BCHE: variants seen among roughly 807,000 people sequenced by gnomAD.
BCHE encodes the protein cholinesterase.
Under a neutral mutation model 51.3 loss-of-function variants are expected in BCHE, and 48 were observed. The ratio of observed to expected loss-of-function variants is 0.94; its 90% CI spans 0.74 to 1.19. The LOEUF is 1.19. BCHE is among the 50% of genes most tolerant of loss of function. The pLI is 0.00. For synonymous variants in BCHE, 251 were observed against 238.0 expected (o/e 1.05, Z -0.50); for missense variants, 847 against 708.2 (o/e 1.20, Z -2.23).
chr3:165,823,902 T>C (rs1714620893), intron 2 of BCHE, among the ~76,000 whole-genome samples: 1 of 149,118 alleles, frequency 6.7e-6, no homozygotes, highest in Admixed American at 6.8e-5. Flanking sequence ...AGGCTACAGG[T>C]GTGTGGCACC....
intron 2 of BCHE, among the ~76,000 whole-genome samples, chr3:165,801,842 T>C (rs1462458993): frequency 6.6e-6 from 1 of 152,196 alleles, no homozygotes; most frequent in Non-Finnish European, 1.5e-5. Flanking sequence ...GTATCCGTTT[T>C]TGCCTCTCAT....
At chr3:165,834,570 C>A (rs895944050) in intron 1 of BCHE, among the ~76,000 whole-genome samples, 1 of 151,874 alleles carries the variant, frequency 6.6e-6, no homozygotes, top group African/African-American at 2.4e-5. Flanking sequence ...TTTAAATAAG[C>A]ATCACTTTGC....
chr3:165,792,571 A>T (rs145019101), intron 2 of BCHE, among the ~76,000 whole-genome samples: 264 of 152,276 alleles, frequency 1.7e-3, no homozygotes, highest in African/African-American at 6.2e-3. Flanking sequence ...TGCCATTATA[A>T]GTGGAAGGTA....
intron 2 of BCHE, among the ~76,000 whole-genome samples, chr3:165,804,068 A>T (rs911705060): frequency 6.6e-6 from 1 of 151,202 alleles, no homozygotes; most frequent in African/African-American, 2.4e-5. Flanking sequence ...AAAAAAAAAA[A>T]CTCTGATGAT....
chr3:165,831,442 C>T (rs1330087056), intron 1 of BCHE, among the ~76,000 whole-genome samples: 5 of 152,130 alleles, frequency 3.3e-5, no homozygotes, highest in African/African-American at 1.2e-4. Flanking sequence ...GGAGAAAATA[C>T]AAGTTCATAT....
chr3:165,786,022 A>T, intron 3 of BCHE, 123 bp downstream of exon 3: 2 of 1,076,642 alleles, frequency 1.9e-6, no homozygotes, highest in East Asian at 5.1e-5. Context: ...TCATTAAACC[A>T]AGTTATTTTA....
In BCHE at chr3:165,830,241, A is replaced by G; in HGVS notation, c.793T>C (p.Tyr265His). ...TTCAACGTTCTGTTCCTAGCTTCAT[A>G]AAGAGATGTTACCGCCCAAGGAGCA... is the stretch of plus-strand genomic sequence containing the variant. ...FNAPWAVTSLYEARNRTLNLA... is the reference protein window; with the variant it reads ...FNAPWAVTSLHEARNRTLNLA... Residue 265 changes from tyrosine to histidine, a missense_variant, in exon 2 of 4, where the codon TAT becomes CAT. Physicochemically the swap from Tyr to His is moderately conservative, Grantham distance 83. Coordinates refer to ENST00000264381, the MANE Select transcript of BCHE (RefSeq NM_000055.4). 1.9e-6 allele frequency: 3 copies of G among 1,613,996 alleles called. No homozygotes were observed. Among genetic ancestry groups the G allele is most frequent in the Non-Finnish European group, 2.5e-6 (3 of 1,179,934 alleles).
chr3:165,835,058 T>G (rs1381734649), intron 1 of BCHE, among the ~76,000 whole-genome samples: 1 of 151,878 alleles, frequency 6.6e-6, no homozygotes, highest in Non-Finnish European at 1.5e-5. Context: ...CCATTCTAGT[T>G]TTTGAGGAAT....
At chr3:165,813,391 T>C (rs1045957969) in intron 2 of BCHE, among the ~76,000 whole-genome samples, 7 of 151,760 alleles carry the variant, frequency 4.6e-5, no homozygotes, top group African/African-American at 1.7e-4. Flanking sequence ...AAATATTGCA[T>C]TTTCATCATC....
At chr3:165,804,294 T>C (rs1025450907) in intron 2 of BCHE, among the ~76,000 whole-genome samples, 2 of 152,166 alleles carry the variant, frequency 1.3e-5, no homozygotes, top group Non-Finnish European at 2.9e-5. Context: ...GGTAAATTAT[T>C]AGTGAGTTTT....
chr3:165,786,289 T>G lies in BCHE; in HGVS notation c.1540A>C (p.Asn514His). ...TTGAAGACAGGCCAGCTTGTGCTAT[T>G]GTTCTGAGTCTCATTTGGATTCCTA... The part of the protein sequence containing the change: ...KYGNPNETQN[N>H]STSWPVFKST... Residue 514 changes from asparagine to histidine, a missense_variant, in exon 3 of 4, where the codon AAT (asparagine) becomes CAT (histidine). Asn to His is a moderately conservative substitution (Grantham distance 68, BLOSUM62 1). Transcript: ENST00000264381. The G allele has an allele frequency of 5.0e-6, 8 of 1,611,568 alleles. No homozygotes were observed. Among genetic ancestry groups the G allele is most frequent in the Non-Finnish European group, 6.8e-6 (8 of 1,178,304 alleles).
At chr3:165,835,396 C>A (rs1715154961) in intron 1 of BCHE, among the ~76,000 whole-genome samples, 1 of 151,634 alleles carries the variant, frequency 6.6e-6, no homozygotes, top group Admixed American at 6.6e-5. Flanking sequence ...GATGTTCAAG[C>A]AAATATTCAA....
Position 165,831,106 on chromosome 3 carries a change from T to A in BCHE, c.-8-65A>T, listed in dbSNP as rs1011108260. On this transcript the variant is annotated intron_variant, in intron 1 of 3. Coordinates refer to ENST00000264381, the MANE Select transcript of BCHE (RefSeq NM_000055.4). ...CATATAGCATATTATACTTTATTGA[T>A]GATAATTACCTAAAATATAGTCGTT... The A allele has an allele frequency of 2.9e-6, 4 of 1,357,292 alleles. No homozygotes were observed. The African/African-American group carries it at 5.8e-5, about 20-fold the overall frequency. 84.1% of individuals were successfully genotyped at this position (1,357,292 alleles called of 1,614,324 possible). A position where few individuals can be genotyped will look rare whatever the true frequency, so the allele number is the denominator to read the frequency against.
intron 2 of BCHE, among the ~76,000 whole-genome samples, 198 bp from the exon 3 acceptor site, chr3:165,786,509 G>C (rs1420752859): frequency 6.6e-6 from 1 of 151,746 alleles, no homozygotes; most frequent in Non-Finnish European, 1.5e-5. Flanking sequence ...ATTTAAAATT[G>C]TAAGAATTGA....
In BCHE at chr3:165,811,228, T is replaced by C. The variant is rs544192855; in HGVS notation, c.1517+18289A>G. Among the ~76,000 whole-genome samples the C allele has an allele frequency of 1.1e-4, 17 of 152,256 alleles. No individual in the cohort carries two copies. In the East Asian group the frequency reaches 2.7e-3, roughly 24 times the overall value. ...TAAAATTGAGGATTAGACCGCTCCA[T>C]TTTGTAGGCAGTTAGACTCTTGACA... On this transcript the variant is annotated intron_variant, in intron 2 of 3. Coordinates refer to ENST00000264381, the MANE Select transcript of BCHE (RefSeq NM_000055.4).
Position 165,830,339 on chromosome 3 carries a change from A to C in BCHE, c.695T>G (p.Val232Gly). Residue 232 changes from valine (V) to glycine (G), a missense_variant, in exon 2 of 4, where the codon GTT (valine) becomes GGT (glycine). Transcript: ENST00000264381. ...LFGESAGAAS[V>G]SLHLLSPGSH... ...TCCAGGAGAAAGCAAATGCAGGCTAACTGAAGCTGCTCCTGCACTTTCTCC... is the reference window on the plus strand; with the variant it reads ...TCCAGGAGAAAGCAAATGCAGGCTACCTGAAGCTGCTCCTGCACTTTCTCC... The C allele has an allele frequency of 6.2e-7, 1 of 1,614,020 alleles. No homozygotes were observed. The highest frequency in any genetic ancestry group is 8.5e-7 in the Non-Finnish European group (1 of 1,179,946).
At chr3:165,787,854 G>A (rs942795803) in intron 2 of BCHE, among the ~76,000 whole-genome samples, 2 of 151,892 alleles carry the variant, frequency 1.3e-5, no homozygotes, top group Admixed American at 1.3e-4. Context: ...TAATATTTTA[G>A]AAATATTGAT....
intron 3 of BCHE, among the ~76,000 whole-genome samples, chr3:165,782,654 G>A (rs1712753646): frequency 6.6e-6 from 1 of 152,058 alleles, no homozygotes; most frequent in Non-Finnish European, 1.5e-5. Flanking sequence ...AGTCCATTCA[G>A]ACTGCCATAA....
intron 2 of BCHE, among the ~76,000 whole-genome samples, chr3:165,808,515 C>G (rs1225065360): frequency 6.6e-6 from 1 of 151,780 alleles, no homozygotes; most frequent in East Asian, 1.9e-4. Context: ...CTTTTATGAA[C>G]AAATGCTACA....
Sources: gnomAD v4.1 joint callset for allele counts (sites outside exome capture counted in the v4.1 genomes callset) on GRCh38, gnomAD v4.1.1 for gene constraint, MANE v1.5 for transcripts, NCBI Gene and HGNC (gene_info 2026-07-23, HGNC 2026-07-21) for gene names.